The following GIT2 variants were observed in gnomAD, a reference collection of about 807,000 sequenced individuals.
The protein encoded by GIT2 is GIT ArfGAP 2, also known as ARF GTPase-activating protein GIT2.
Under a neutral mutation model 100.3 loss-of-function variants are expected in GIT2, and 32 were observed. That is an observed-to-expected ratio of 0.32 (90% CI 0.24 to 0.43). The LOEUF (loss-of-function observed/expected upper bound fraction) is 0.43. GIT2 is among the 20% of genes least tolerant of loss of function. The pLI is 1.00. For missense variants in GIT2, 737 were observed against 975.1 expected, an observed-to-expected ratio of 0.76 and a Z score of 3.25; for synonymous variants, 353 against 364.1, an observed-to-expected ratio of 0.97 and a Z score of 0.35.
chr12:109,965,520 A>C lies in GIT2; in HGVS notation c.816+6T>G, dbSNP rs756449119. The C allele has an allele frequency of 1.3e-6, 2 of 1,554,876 alleles. No homozygotes were observed. Among genetic ancestry groups the C allele is most frequent in the Non-Finnish European group, 1.8e-6 (2 of 1,128,710 alleles). ...CTAGAGAAAACCAGTACAGAGAAAT[A>C]CTCACAGATTGAAGTTTCTTCTTAG... On this transcript the variant is annotated splice_donor_region_variant and intron_variant, in intron 9 of 19. Transcript: ENST00000355312.
chr12:109,983,256 A>C, intron 6 of GIT2, 117 bp downstream of exon 6: 1 of 931,318 alleles, frequency 1.1e-6, no homozygotes, highest in Non-Finnish European at 1.7e-6. Flanking sequence ...TGTAAAATAA[A>C]ATAACGTACA....
intron 9 of GIT2, 146 bp from the exon 10 acceptor site, chr12:109,961,831 A>G (rs1350535351): frequency 1.6e-6 from 1 of 624,066 alleles, no homozygotes; most frequent in Non-Finnish European, 2.9e-6. Context: ...CAGACATAAC[A>G]TTTTCAAAAT....
At chr12:109,940,103 A>G (rs929537593) in intron 16 of GIT2, 2 of 152,136 alleles carry the variant, frequency 1.3e-5, no homozygotes, top group East Asian at 3.8e-4. Context: ...GCTCAAATCT[A>G]CCCCTTAAAA....
intron 18 of GIT2, among the ~76,000 whole-genome samples, chr12:109,937,537 G>A (rs963546069): frequency 2.6e-5 from 4 of 152,054 alleles, no homozygotes; most frequent in South Asian, 2.1e-4. Flanking sequence ...CAAGCAGTTC[G>A]CAACTCACCG....
Position 109,973,089 on chromosome 12 carries a change from A to G in GIT2, c.719-5586T>C, listed in dbSNP as rs777982395. ...ACAATCCTCCTACTTCGGCCTTTCA[A>G]AGTGTTGTGATTACCACTGTGAGCC... On this transcript the variant is annotated intron_variant, in intron 7 of 19. Coordinates refer to ENST00000355312, the MANE Select transcript of GIT2 (RefSeq NM_057169.5). 5.3e-5 allele frequency among the ~76,000 whole-genome samples: 8 copies of G among 151,954 alleles called. 1 individual carries two copies. The South Asian group carries it at 1.7e-3, about 31-fold the overall frequency.
intron 12 of GIT2, among the ~76,000 whole-genome samples, chr12:109,956,938 A>G (rs1455218452): frequency 6.6e-6 from 1 of 151,682 alleles, no homozygotes; most frequent in African/African-American, 2.4e-5. Context: ...GAATCACTTG[A>G]GCCTGGGTGG....
Position 109,983,617 on chromosome 12 carries a change from G to T in GIT2, c.483C>A (p.Phe161Leu), listed in dbSNP as rs1225256260. 1 of 1,610,360 alleles carries T rather than the reference G, an allele frequency of 6.2e-7. No individual in the cohort carries two copies. The change falls in exon 5 of 20, where the codon TTC (phenylalanine) becomes TTA (leucine). Residue 161 changes from phenylalanine to leucine, a missense_variant. Physicochemically the swap from Phe to Leu is conservative, Grantham distance 22. This residue lies in a region of GIT2 where 266 missense variants were observed against 376.2 expected (regional missense o/e 0.71). Coordinates refer to ENST00000355312, the MANE Select transcript of GIT2 (RefSeq NM_057169.5). ...ATTCATGTTTTCTTACAGGATGAAAGAAGTTGGCTTGTGCTCCTAAAGATA... is the reference window on the plus strand; with the variant it reads ...ATTCATGTTTTCTTACAGGATGAAATAAGTTGGCTTGTGCTCCTAAAGATA... ...RLLSLGAQAN[F>L]FHPEKGNTPL...
chr12:109,966,737 T>C (rs1233234366), intron 8 of GIT2, among the ~76,000 whole-genome samples: 1 of 151,966 alleles, frequency 6.6e-6, no homozygotes, highest in Non-Finnish European at 1.5e-5. Context: ...TAGCAGTTAG[T>C]CATTTCATAA....
In GIT2 at chr12:109,983,711, CA is replaced by C; in HGVS notation, c.406-18del. Reference sequence around the variant, plus strand: ...ATGGAGTTGCTGAAAAACGCAGAAACAAAAAAGGAATCGTGGTTAGAGGTGT... The same window carrying C: ...ATGGAGTTGCTGAAAAACGCAGAAACAAAAAGGAATCGTGGTTAGAGGTGT... On this transcript the variant is annotated intron_variant, in intron 4 of 19. Transcript: ENST00000355312. The C allele has an allele frequency of 2.5e-6, 4 of 1,569,556 alleles. No homozygotes were observed. The highest frequency in any genetic ancestry group is 2.6e-6 in the Non-Finnish European group (3 of 1,143,966).
chr12:109,953,361 T>C (rs1878456730), intron 12 of GIT2, 127 bp from the exon 13 acceptor site: 3 of 878,956 alleles, frequency 3.4e-6, no homozygotes, highest in Non-Finnish European at 5.4e-6. Flanking sequence ...TGCTCTTGCC[T>C]GTAATCCCAG....
At position 109,951,221 on chromosome 12, in the gene GIT2, C is replaced by T; in HGVS notation, c.1338G>A (p.Gln446=). The part of the protein sequence containing the change: ...ALVASEAKIQ[Q]LMKVNNNLSD... ...TCAAGTTGTTATTCACCTTCATTAG[C>T]TGCTGTATCTTGGCCTCAGAAGCCA... Residue 446 remains glutamine (Q), a synonymous_variant, in exon 14 of 20, where the codon CAG becomes CAA. Transcript: ENST00000355312. The T allele has an allele frequency of 1.2e-6, 2 of 1,613,338 alleles. No individual in the cohort carries two copies. Among genetic ancestry groups the T allele is most frequent in the Admixed American group, 1.7e-5 (1 of 60,020 alleles).
chr12:109,999,929 T>C, upstream of GIT2: 1 of 603,408 alleles, frequency 1.7e-6, no homozygotes, highest in South Asian at 2.6e-5. The surrounding 1 kb of genome is among the most constrained non-coding windows in gnomAD (Gnocchi z 4.3). Flanking sequence ...GTCCTAATAA[T>C]AGGACACGTA....
intron 3 of GIT2, 47 bp from the exon 4 acceptor site, chr12:109,989,115 C>T: frequency 9.1e-7 from 1 of 1,101,138 alleles, no homozygotes; most frequent in Non-Finnish European, 1.4e-6. Flanking sequence ...TCAGATACAA[C>T]AATCCCCATT....
At chr12:109,941,529 CTTT>C (rs931997843) in intron 16 of GIT2, among the ~76,000 whole-genome samples, 1 of 144,156 alleles carries the variant, frequency 6.9e-6, no homozygotes, top group Non-Finnish European at 1.5e-5. Context: ...TAACTTTTTT[CTTT>C]TTTTTTTTTG....
chr12:109,959,808 G>T (rs971827117), intron 12 of GIT2, 39 bp downstream of exon 12: 2 of 1,204,520 alleles, frequency 1.7e-6, no homozygotes. Context: ...AAATTTAGAG[G>T]GCCAAAAAAT....
At chr12:109,939,339 C>T (rs960051595) in intron 16 of GIT2, 92 bp from the exon 17 acceptor site, 2 of 748,416 alleles carry the variant, frequency 2.7e-6, no homozygotes, top group Non-Finnish European at 4.9e-6. Context: ...AGGCTACTGG[C>T]CTTCACATCC....
Position 109,951,324 on chromosome 12 carries a change from T to C in GIT2, c.1243-8A>G, listed in dbSNP as rs1486628534. 2.5e-6 allele frequency: 4 copies of C among 1,602,904 alleles called. No individual in the cohort carries two copies. Among genetic ancestry groups the C allele is most frequent in the Non-Finnish European group, 2.6e-6 (3 of 1,171,154 alleles). On this transcript the variant is annotated splice_polypyrimidine_tract_variant and splice_region_variant and intron_variant, in intron 13 of 19. Coordinates refer to ENST00000355312, the MANE Select transcript of GIT2 (RefSeq NM_057169.5). ...TAAATCTGAATCTAGGCTCTAAAAATAAATTGGGAAAACGTTCACAATCTG... is the reference window on the plus strand; with the variant it reads ...TAAATCTGAATCTAGGCTCTAAAAACAAATTGGGAAAACGTTCACAATCTG...
rs1326312633 is a variant in GIT2, at chr12:109,991,879, C to T, written c.53-119G>A. The stretch of plus-strand genomic sequence containing the variant: ...AAGGAGACATTTTTGTTTCAGTATG[C>T]TCATCAATGCATCAGGCTGGTCATC... On this transcript the variant is annotated intron_variant, in intron 1 of 19. Coordinates refer to ENST00000355312, the MANE Select transcript of GIT2 (RefSeq NM_057169.5). 4.1e-5 allele frequency: 32 copies of T among 781,592 alleles called. No homozygotes were observed. In the Admixed American group the frequency reaches 7.3e-4, roughly 18 times the overall value. The allele number at this position is 781,592 out of a possible 1,614,324, so 48.4% of individuals were successfully genotyped here. A position where few individuals can be genotyped will look rare whatever the true frequency, so the allele number is the denominator to read the frequency against.
chr12:109,933,688 G>A lies in GIT2; in HGVS notation c.2067+334C>T, dbSNP rs1479500723. ...ACGATCTTGACTCACTGCAACCTCC[G>A]CCTCCTGGGTTCAAGCGATTCTCCT... On this transcript the variant is annotated intron_variant, in intron 19 of 19. Transcript: ENST00000355312. This position sits in a 1 kb window ranked among gnomAD's most constrained non-coding sequence, Gnocchi z 4.5. 2.0e-5 allele frequency: 5 copies of A among 254,572 alleles called. No individual in the cohort carries two copies. The highest frequency in any genetic ancestry group is 1.1e-4 in the South Asian group (2 of 18,028). The allele number at this position is 254,572 out of a possible 1,614,324, so 15.8% of individuals were successfully genotyped here.
Sources: allele counts gnomAD v4.1 joint callset (sites outside exome capture counted in the v4.1 genomes callset), GRCh38; gene constraint gnomAD v4.1.1; regional missense constraint gnomAD v4.1.1; non-coding constraint Gnocchi (gnomAD v3.1); transcripts MANE v1.5; gene names NCBI Gene and HGNC (gene_info 2026-07-23, HGNC 2026-07-21).